Variants in ABCB1 observed in about 807,000 individuals in gnomAD.
ABCB1 encodes ATP binding cassette subfamily B member 1.
ABCB1 carries 69 observed loss-of-function variants against 142.0 expected under a neutral mutation model. That is an observed-to-expected ratio of 0.49 (90% confidence interval 0.40 to 0.59). The LOEUF is 0.59. ABCB1 is among the 20% of genes least tolerant of loss of function. The probability of loss-of-function intolerance (pLI) is 0.00; values close to 1 mark genes in which losing one functional copy is unlikely to be tolerated. For synonymous variants in ABCB1, 532 were observed against 539.2 expected, an observed-to-expected ratio of 0.99 and a Z score of 0.18; for missense variants, 1,326 against 1,554.7, an observed-to-expected ratio of 0.85 and a Z score of 2.47.
rs1818722157 is a variant in ABCB1 at position 87,585,691 on chromosome 7, A to G, written c.118-11T>C. On this transcript the variant is annotated splice_polypyrimidine_tract_variant and intron_variant, in intron 3 of 27. Coordinates refer to ENST00000622132, the MANE Select transcript of ABCB1 (RefSeq NM_001348946.2). Reference sequence around the variant, plus strand: ...ATTTGAATAGCGAAACTAAAAAGAGAGAAAAAAGAATAGCAGAGGAAAAAT... The same window carrying G: ...ATTTGAATAGCGAAACTAAAAAGAGGGAAAAAAGAATAGCAGAGGAAAAAT... 1.2e-6 allele frequency: 2 copies of G among 1,612,960 alleles called. No individual in the cohort carries two copies. The highest frequency in any genetic ancestry group is 1.6e-4 in the Middle Eastern group (1 of 6,062).
Position 87,626,486 on chromosome 7 carries a change from A to C in ABCB1, c.-330-25408T>G, listed in dbSNP as rs1171610879. 1.9e-4 allele frequency among the ~76,000 whole-genome samples: 2 copies of C among 10,632 alleles called. 1 individual carries two copies. The highest frequency in any genetic ancestry group is 2.5e-4 in the Non-Finnish European group (2 of 7,928). 7.0% of individuals were successfully genotyped at this position (10,632 alleles called of 152,430 possible). ...CATATATGTGTCATATATATGTGTC[A>C]TATATATGTGTCATATATGTGTCAT... On this transcript the variant is annotated intron_variant, in intron 1 of 28. Transcript: ENST00000265724.
At chr7:87,634,267 C>T (rs1309190349) in intron 1 of ABCB1, among the ~76,000 whole-genome samples, 1 of 152,120 alleles carries the variant, frequency 6.6e-6, no homozygotes, top group Admixed American at 6.5e-5. Context: ...CAAATTTCAA[C>T]ATGTCATTTG....
chr7:87,543,080 G>C (rs1045137742), intron 17 of ABCB1, among the ~76,000 whole-genome samples: 6 of 152,108 alleles, frequency 3.9e-5, no homozygotes, highest in African/African-American at 1.4e-4. Context: ...GATTACTTGA[G>C]GTTAGGAGTT....
rs543016223 is a variant in ABCB1 at position 87,589,853 on chromosome 7, A to G, written c.118-4173T>C. Among the ~76,000 whole-genome samples the G allele has an allele frequency of 1.8e-3, 260 of 146,020 alleles. 8 individuals are homozygous for G. In the East Asian group the frequency reaches 0.044, roughly 25 times the overall value. On this transcript the variant is annotated intron_variant, in intron 3 of 27. Coordinates refer to ENST00000622132, the MANE Select transcript of ABCB1 (RefSeq NM_001348946.2). ...GAGAGAGAGGGAGAGAGGGAGGGAG[A>G]GAGAGAGAGAGAGAGAGAAAGAAAG...
chr7:87,540,606 C>G (rs1029419325), intron 18 of ABCB1, among the ~76,000 whole-genome samples: 3 of 152,076 alleles, frequency 2.0e-5, no homozygotes, highest in African/African-American at 7.2e-5. Flanking sequence ...TGGATCACCA[C>G]GCCCTGTTAA....
At chr7:87,536,380 C>A in intron 20 of ABCB1, 78 bp downstream of exon 20, 1 of 1,289,320 alleles carries the variant, frequency 7.8e-7, no homozygotes, top group East Asian at 2.3e-5. Context: ...AACTAACACC[C>A]GTAAGGAGAA....
At chr7:87,693,807 A>G in intron 1 of ABCB1, 8 of 1,080,476 alleles carry the variant, frequency 7.4e-6, no homozygotes, top group Non-Finnish European at 1.1e-5. Context: ...CTTCAAAATT[A>G]TATGTAGCCA....
At chr7:87,592,836 A>G (rs1819048268) in intron 3 of ABCB1, among the ~76,000 whole-genome samples, 1 of 152,056 alleles carries the variant, frequency 6.6e-6, no homozygotes, top group African/African-American at 2.4e-5. Context: ...GGTATTATCT[A>G]TTTAGAAAAA....
At chr7:87,661,144 G>T (rs1824667444) in intron 1 of ABCB1, among the ~76,000 whole-genome samples, 1 of 151,774 alleles carries the variant, frequency 6.6e-6, no homozygotes, top group Admixed American at 6.6e-5. Flanking sequence ...TGGGTACATA[G>T]TAGGTGTATA....
upstream of ABCB1, among the ~76,000 whole-genome samples, chr7:87,604,081 G>A (rs1471562400): frequency 6.6e-6 from 1 of 152,084 alleles, no homozygotes; most frequent in Non-Finnish European, 1.5e-5. Context: ...TCCCAGCTCT[G>A]AGTCCTTTAT....
At chr7:87,529,907 C>T (rs772441480) in intron 21 of ABCB1, among the ~76,000 whole-genome samples, 3 of 152,192 alleles carry the variant, frequency 2.0e-5, no homozygotes, top group African/African-American at 4.8e-5. Context: ...CAGCACCATC[C>T]TGATGTACCT....
rs748883796 is a variant in ABCB1 at position 87,566,927 on chromosome 7, A to G, written c.388T>C (p.Tyr130His). ...GIGAGVLVAA[Y>H]IQVSFWCLAA... ...AGGCACCAAAATGAAACCTGAATGT[A>G]AGCAGCAACCAGCACCCCAGCACCA... The change falls in exon 6 of 28, where the codon TAC (tyrosine) becomes CAC (histidine). Residue 130 changes from tyrosine to histidine, a missense_variant. Coordinates refer to ENST00000622132, the MANE Select transcript of ABCB1 (RefSeq NM_001348946.2). 9 of 1,614,124 alleles carry G rather than the reference A, an allele frequency of 5.6e-6. No individual in the cohort carries two copies. The highest frequency in any genetic ancestry group is 5.9e-6 in the Non-Finnish European group (7 of 1,180,012).
chr7:87,706,876 C>CAGGGA (rs1307112213), intron 1 of ABCB1, among the ~76,000 whole-genome samples: 1 of 152,072 alleles, frequency 6.6e-6, no homozygotes, highest in Non-Finnish European at 1.5e-5. Context: ...CTGAAAGCAG[C>CAGGGA]AGGGAAGAGG....
At chr7:87,687,996 A>G (rs78154767) in intron 1 of ABCB1, among the ~76,000 whole-genome samples, 3 of 152,184 alleles carry the variant, frequency 2.0e-5, no homozygotes, top group African/African-American at 7.2e-5. Flanking sequence ...GTAGTAACAT[A>G]TGAACACAAT....
intron 8 of ABCB1, among the ~76,000 whole-genome samples, chr7:87,559,863 C>T (rs1350593164): frequency 2.0e-5 from 3 of 152,126 alleles, no homozygotes; most frequent in Admixed American, 2.0e-4. Flanking sequence ...GTCTGTCTTC[C>T]AATGCTGTTG....
At chr7:87,642,515 C>A (rs988042696) in intron 1 of ABCB1, among the ~76,000 whole-genome samples, 3 of 151,964 alleles carry the variant, frequency 2.0e-5, no homozygotes, top group South Asian at 2.1e-4. Context: ...ATTGGGAGTT[C>A]TTTCATATGA....
At chr7:87,542,128 T>C (rs1816566709) in intron 17 of ABCB1, among the ~76,000 whole-genome samples, 1 of 152,206 alleles carries the variant, frequency 6.6e-6, no homozygotes, top group South Asian at 2.1e-4. Flanking sequence ...AAAATCAGTC[T>C]TGTAAGATAG....
At chr7:87,701,488 A>G (rs908268831) in intron 1 of ABCB1, among the ~76,000 whole-genome samples, 1 of 152,258 alleles carries the variant, frequency 6.6e-6, no homozygotes, top group African/African-American at 2.4e-5. Context: ...TCAACATTTG[A>G]TGGAACTGCA....
In ABCB1 at chr7:87,566,966, A is replaced by C. The variant is rs1584886969; in HGVS notation, c.349T>G (p.Tyr117Asp). Reference protein sequence around the residue: ...LEEDMTRYAYYYSGIGAGVLV... With the variant: ...LEEDMTRYAYDYSGIGAGVLV... ...ACCCCAGCACCAATTCCACTGTAAT[A>C]ATAGGCATACCTGAAAAACAACAAG... The change falls in exon 6 of 28, where the codon TAT (tyrosine) becomes GAT (aspartate). Residue 117 changes from tyrosine (Y) to aspartate (D), a missense_variant. Tyr to Asp is a radical substitution (Grantham distance 160). Transcript: ENST00000622132. 4 of 1,614,124 alleles carry C rather than the reference A, an allele frequency of 2.5e-6. No individual in the cohort carries two copies. The highest frequency in any genetic ancestry group is 3.4e-6 in the Non-Finnish European group (4 of 1,179,966).
Sources: gnomAD v4.1 joint callset for allele counts (sites outside exome capture counted in the v4.1 genomes callset) on GRCh38, gnomAD v4.1.1 for gene constraint, MANE v1.5 for transcripts, NCBI Gene and HGNC (gene_info 2026-07-23, HGNC 2026-07-21) for gene names.